The following SYNE1 variants were observed in gnomAD, a reference collection of about 807,000 sequenced individuals.
SYNE1 encodes the protein nesprin-1.
In SYNE1, 616 loss-of-function variants were observed where a neutral mutation model predicts 1,111.0. The observed-to-expected ratio is 0.55, with a 90% confidence interval of 0.52 to 0.59. SYNE1 has a LOEUF of 0.59. Ranked by LOEUF, SYNE1 falls within the 20% of genes least tolerant of loss-of-function variation. The pLI is 0.00. For synonymous variants in SYNE1, 3,855 were observed against 3,825.8 expected, an observed-to-expected ratio of 1.01 and a Z score of -0.28; for missense variants, 10,006 against 10,417.0, an observed-to-expected ratio of 0.96 and a Z score of 1.72.
chr6:152,395,035 G>A (rs942696863), intron 51 of SYNE1, among the ~76,000 whole-genome samples: 7 of 151,782 alleles, frequency 4.6e-5, no homozygotes, highest in African/African-American at 7.3e-5. Context: ...TGCCTGCCTC[G>A]GCCTCCCAAA....
At chr6:152,216,014 A>G (rs955639546) in intron 121 of SYNE1, among the ~76,000 whole-genome samples, 2 of 152,202 alleles carry the variant, frequency 1.3e-5, no homozygotes, top group Non-Finnish European at 2.9e-5. Flanking sequence ...CTTCAAACAC[A>G]GGACAATGTT....
intron 128 of SYNE1, among the ~76,000 whole-genome samples, chr6:152,180,640 AAG>A (rs1002148940): frequency 1.9e-4 from 29 of 152,086 alleles, no homozygotes; most frequent in African/African-American, 6.3e-4. Context: ...AGTAAAAGGA[AAG>A]AGAGATGGTA....
intron 87 of SYNE1, among the ~76,000 whole-genome samples, chr6:152,312,367 G>A (rs1348356018): frequency 2.0e-5 from 3 of 150,368 alleles, no homozygotes; most frequent in Non-Finnish European, 1.5e-5. Flanking sequence ...GAGCCGCCAC[G>A]CCCAGCTAAT....
At chr6:152,358,633 A>G in intron 65 of SYNE1, 96 bp from the exon 66 acceptor site, 1 of 1,225,146 alleles carries the variant, frequency 8.2e-7, no homozygotes, top group Non-Finnish European at 1.2e-6. Flanking sequence ...GAAAAGTATA[A>G]TTATTGAGAC....
chr6:152,232,778 A>G (rs955246783), intron 112 of SYNE1, among the ~76,000 whole-genome samples: 2 of 152,218 alleles, frequency 1.3e-5, no homozygotes, highest in African/African-American at 4.8e-5. Context: ...CACTACTTAC[A>G]ATTCGAAATC....
chr6:152,398,756 T>G (rs1554624408), intron 48 of SYNE1, 25 bp from the exon 49 acceptor site: 2 of 1,571,460 alleles, frequency 1.3e-6, no homozygotes, highest in Non-Finnish European at 1.7e-6. Context: ...AATAAATAAA[T>G]AAAAATAAAA....
chr6:152,550,522 G>T (rs1338082043), intron 3 of SYNE1, among the ~76,000 whole-genome samples: 2 of 151,370 alleles, frequency 1.3e-5, no homozygotes, highest in Non-Finnish European at 2.9e-5. Flanking sequence ...ATGTGGAAAT[G>T]CTTTCATCTC....
At chr6:152,250,189 AG>A (rs2088718600) in intron 104 of SYNE1, among the ~76,000 whole-genome samples, 1 of 152,018 alleles carries the variant, frequency 6.6e-6, no homozygotes, top group South Asian at 2.1e-4. Flanking sequence ...CCTTGAGTTC[AG>A]GAGTTTGAGG....
intron 3 of SYNE1, among the ~76,000 whole-genome samples, chr6:152,551,016 C>A (rs1264816465): frequency 6.6e-6 from 1 of 152,086 alleles, no homozygotes; most frequent in African/African-American, 2.4e-5. Flanking sequence ...GCACTTCAAA[C>A]CTTTTAGTTC....
At chr6:152,511,215 T>A (rs2099083231) in intron 6 of SYNE1, 112 bp from the exon 7 acceptor site, 4 of 937,140 alleles carry the variant, frequency 4.3e-6, no homozygotes, top group Non-Finnish European at 5.1e-6. Flanking sequence ...CATGCCTATG[T>A]AATAGTACAT....
intron 11 of SYNE1, among the ~76,000 whole-genome samples, chr6:152,496,103 C>T (rs935465883): frequency 1.3e-5 from 2 of 152,118 alleles, no homozygotes; most frequent in African/African-American, 4.8e-5. Flanking sequence ...AGGACAGGCA[C>T]GTGCACACTA....
At position 152,430,714 on chromosome 6, in the gene SYNE1, T is replaced by C. The variant is rs1352399302; in HGVS notation, c.4462-5A>G. ...TTCTATTTCCTGAATTGTGACCTAA[T>C]AGTTAAAACAAGAAAAATGACAATG... On this transcript the variant is annotated splice_region_variant and splice_polypyrimidine_tract_variant and intron_variant, in intron 34 of 145. Transcript: ENST00000367255. 11 of 1,613,162 alleles carry C rather than the reference T, an allele frequency of 6.8e-6. No individual in the cohort carries two copies. Among genetic ancestry groups the C allele is most frequent in the Admixed American group, 1.7e-5 (1 of 60,004 alleles).
At chr6:152,621,531 G>A (rs561852477) in intron 3 of SYNE1, among the ~76,000 whole-genome samples, 1 of 151,094 alleles carries the variant, frequency 6.6e-6, no homozygotes, top group Middle Eastern at 3.4e-3. Flanking sequence ...TTTTTGAATT[G>A]ATTTGATTTA....
chr6:152,425,254 C>A (rs2098334462), intron 39 of SYNE1, 127 bp downstream of exon 39: 2 of 964,526 alleles, frequency 2.1e-6, no homozygotes, highest in East Asian at 5.1e-5. Context: ...AGTTTTCTTC[C>A]CTTCTGTAGT....
chr6:152,374,272 G>A (rs927645630), intron 58 of SYNE1, among the ~76,000 whole-genome samples: 1 of 152,154 alleles, frequency 6.6e-6, no homozygotes, highest in African/African-American at 2.4e-5. Context: ...TTCTACAGTC[G>A]ATTCTCAATA....
intron 32 of SYNE1, among the ~76,000 whole-genome samples, chr6:152,438,819 A>T (rs940610486): frequency 6.6e-6 from 1 of 152,254 alleles, no homozygotes; most frequent in African/African-American, 2.4e-5. Flanking sequence ...AAATGAGCAA[A>T]GAACTACAGG....
intron 3 of SYNE1, among the ~76,000 whole-genome samples, chr6:152,577,048 ATTTCT>A (rs2099499554): frequency 1.3e-5 from 2 of 152,172 alleles, no homozygotes; most frequent in African/African-American, 4.8e-5. Context: ...TTTTTTTGTC[ATTTCT>A]TTAAATTAAT....
intron 128 of SYNE1, among the ~76,000 whole-genome samples, chr6:152,185,689 C>T (rs765375523): frequency 2.0e-5 from 3 of 152,198 alleles, no homozygotes; most frequent in Non-Finnish European, 2.9e-5. Flanking sequence ...TTCTTTTTAA[C>T]GTCTTAGTCT....
At chr6:152,469,896 A>G (rs2098795849) in intron 16 of SYNE1, among the ~76,000 whole-genome samples, 1 of 152,204 alleles carries the variant, frequency 6.6e-6, no homozygotes, top group Non-Finnish European at 1.5e-5. Flanking sequence ...CACTGAGATG[A>G]AAAATGATGC....
Sources: allele counts gnomAD v4.1 joint callset (sites outside exome capture counted in the v4.1 genomes callset), GRCh38; gene constraint gnomAD v4.1.1; transcripts MANE v1.5; gene names NCBI Gene and HGNC (gene_info 2026-07-23, HGNC 2026-07-21).